SUGCT: variants seen among roughly 807,000 people sequenced by gnomAD.
SUGCT encodes the protein succinyl-CoA:glutarate-CoA transferase, also known as succinyl-CoA:glutarate CoA-transferase.
A neutral mutation model predicts 55.0 loss-of-function variants in SUGCT; 41 were observed. That is an observed-to-expected ratio of 0.74 (90% CI 0.58 to 0.97). The LOEUF is 0.97. Ranked by LOEUF, SUGCT falls within the 50% of genes least tolerant of loss-of-function variation. The pLI is 0.00. For missense variants in SUGCT, 568 were observed against 547.8 expected, an observed-to-expected ratio of 1.04 and a Z score of -0.37; for synonymous variants, 187 against 200.4, an observed-to-expected ratio of 0.93 and a Z score of 0.56.
chr7:40,594,068 C>T (rs565013404), intron 12 of SUGCT, among the ~76,000 whole-genome samples: 10 of 152,044 alleles, frequency 6.6e-5, no homozygotes, highest in Non-Finnish European at 5.9e-5. Context: ...AGTAAACTAT[C>T]GCAAGAACAA....
At chr7:40,339,312 G>A (rs1189701722) in intron 9 of SUGCT, among the ~76,000 whole-genome samples, 1 of 152,158 alleles carries the variant, frequency 6.6e-6, no homozygotes. Flanking sequence ...GGGTTTCTCT[G>A]CCTTTTGTTT....
chr7:40,339,915 A>G (rs1161559932), intron 9 of SUGCT, among the ~76,000 whole-genome samples: 1 of 152,144 alleles, frequency 6.6e-6, no homozygotes, highest in Non-Finnish European at 1.5e-5. Context: ...TGGCTCTTAA[A>G]CTTTCTTGTT....
chr7:40,617,903 A>G (rs908068363), intron 12 of SUGCT, among the ~76,000 whole-genome samples: 1 of 152,196 alleles, frequency 6.6e-6, no homozygotes, highest in African/African-American at 2.4e-5. Flanking sequence ...CGACTCTGAA[A>G]TACTATTTTT....
chr7:40,330,586 G>A (rs1584697417), intron 9 of SUGCT, among the ~76,000 whole-genome samples: 1 of 151,994 alleles, frequency 6.6e-6, no homozygotes, highest in East Asian at 1.9e-4. Flanking sequence ...TTTTTCCTCT[G>A]TTTCAGTTAA....
At chr7:40,885,703 T>C in the SUGCT span, among the ~76,000 whole-genome samples, 5 of 152,168 alleles carry the variant, frequency 3.3e-5, no homozygotes, top group Admixed American at 1.3e-4. Flanking sequence ...ACCCCTGACG[T>C]CTTCCTGAGA....
intron 12 of SUGCT, among the ~76,000 whole-genome samples, chr7:40,746,517 C>T (rs1313167399): frequency 6.6e-6 from 1 of 152,220 alleles, no homozygotes; most frequent in Non-Finnish European, 1.5e-5. Context: ...GAAACTGCAA[C>T]TTCCTCTGCC....
intron 12 of SUGCT, among the ~76,000 whole-genome samples, chr7:40,541,836 A>C (rs1331913200): frequency 2.0e-5 from 3 of 152,250 alleles, no homozygotes; most frequent in Non-Finnish European, 4.4e-5. Context: ...TAGAAAAAAC[A>C]AAATCCTGGA....
At chr7:40,823,597 G>A (rs1190688518) in intron 13 of SUGCT, among the ~76,000 whole-genome samples, 3 of 152,074 alleles carry the variant, frequency 2.0e-5, no homozygotes, top group African/African-American at 4.8e-5. Context: ...GTTGGAAGGG[G>A]TAGATTTTAT....
In SUGCT at chr7:40,316,828, A is replaced by C; in HGVS notation, c.789A>C (p.Thr263=). 1.3e-6 allele frequency: 2 copies of C among 1,596,186 alleles called. No homozygotes were observed. The highest frequency in any genetic ancestry group is 2.3e-5 in the South Asian group (2 of 87,688). Residue 263 remains threonine (T), a synonymous_variant, in exon 9 of 14, where the codon ACA becomes ACC. Transcript: ENST00000335693. ...AAAAGGAAGCAAAACGTTGGGGTAC[A>C]GCTCATGGCAGTATCGTTCCTTACC... is the stretch of plus-strand genomic sequence containing the variant. ...IGQKEAKRWG[T]AHGSIVPYQA...
At chr7:40,878,193 C>A in the SUGCT span, among the ~76,000 whole-genome samples, 1 of 152,130 alleles carries the variant, frequency 6.6e-6, no homozygotes, top group South Asian at 2.1e-4. Flanking sequence ...GAATTCTGCT[C>A]TTGTTTTATG....
At chr7:40,466,040 C>T (rs1360582210) in intron 11 of SUGCT, among the ~76,000 whole-genome samples, 3 of 152,038 alleles carry the variant, frequency 2.0e-5, no homozygotes, top group African/African-American at 7.3e-5. Context: ...AGCCACCATG[C>T]CTGCTTAATT....
intron 7 of SUGCT, among the ~76,000 whole-genome samples, chr7:40,258,926 GAATA>G (rs1287890813): frequency 8.5e-5 from 13 of 152,122 alleles, no homozygotes; most frequent in East Asian, 1.9e-4. Context: ...ATGAATGAAT[GAATA>G]AATGGATAAA....
chr7:40,331,520 A>G (rs568053607), intron 9 of SUGCT, among the ~76,000 whole-genome samples: 2 of 152,328 alleles, frequency 1.3e-5, no homozygotes, highest in East Asian at 3.9e-4. Flanking sequence ...TATGTGGCAT[A>G]GGGTCTGGCA....
At chr7:40,532,652 A>G (rs1462936368) in intron 12 of SUGCT, among the ~76,000 whole-genome samples, 4 of 151,920 alleles carry the variant, frequency 2.6e-5, no homozygotes, top group African/African-American at 7.3e-5. Flanking sequence ...GTAAGCAAGC[A>G]AAAATTTTTA....
intron 8 of SUGCT, among the ~76,000 whole-genome samples, chr7:40,275,342 G>A (rs1209668779): frequency 6.6e-6 from 1 of 152,094 alleles, no homozygotes; most frequent in African/African-American, 2.4e-5. Flanking sequence ...CCTTGCAATT[G>A]TGTTTTTGAA....
chr7:40,400,365 G>A lies in SUGCT; in HGVS notation c.817-48922G>A, dbSNP rs533179375. On this transcript the variant is annotated intron_variant, in intron 9 of 13. Coordinates refer to ENST00000335693, the MANE Select transcript of SUGCT (RefSeq NM_001193313.2). The stretch of plus-strand genomic sequence containing the variant: ...CATGGCAACAGCATCTGCTTCTGGT[G>A]AGGGAAGCTTACAGTCCTGGCTGAA... 2.6e-5 allele frequency among the ~76,000 whole-genome samples: 4 copies of A among 152,308 alleles called. No individual in the cohort carries two copies. In the South Asian group the frequency reaches 8.3e-4, roughly 32 times the overall value.
At chr7:40,958,427 T>C in the SUGCT span, among the ~76,000 whole-genome samples, 1 of 151,762 alleles carries the variant, frequency 6.6e-6, no homozygotes, top group Non-Finnish European at 1.5e-5. Context: ...TCAACCTCGA[T>C]ATCCTTTCTT....
chr7:40,272,143 T>TAC (rs1453710230), intron 7 of SUGCT, among the ~76,000 whole-genome samples: 98 of 764 alleles, frequency 0.13, 3 homozygotes, highest in African/African-American at 0.23. Flanking sequence ...CAATGTGACA[T>TAC]ATATATATAT....
chr7:40,632,966 G>T (rs1243568947), intron 12 of SUGCT, among the ~76,000 whole-genome samples: 1 of 152,096 alleles, frequency 6.6e-6, no homozygotes, highest in Non-Finnish European at 1.5e-5. Context: ...AGCCATGTTG[G>T]TTCATCTTGA....
Sources: allele counts gnomAD v4.1 joint callset (sites outside exome capture counted in the v4.1 genomes callset), GRCh38; gene constraint gnomAD v4.1.1; transcripts MANE v1.5; gene names NCBI Gene and HGNC (gene_info 2026-07-23, HGNC 2026-07-21).